Variants in MEIS2 observed in about 807,000 individuals in gnomAD.
MEIS2 encodes homeobox protein Meis2.
A neutral mutation model predicts 58.6 loss-of-function variants in MEIS2; 9 were observed. The ratio of observed to expected loss-of-function variants is 0.15; its 90% CI spans 0.09 to 0.27. The LOEUF is 0.27. MEIS2 is among the 10% of genes least tolerant of loss of function. MEIS2 has a pLI of 1.00. For synonymous variants in MEIS2, 221 were observed against 228.4 expected, an observed-to-expected ratio of 0.97 and a Z score of 0.29; for missense variants, 427 against 635.0, an observed-to-expected ratio of 0.67 and a Z score of 3.52.
At chr15:36,906,241 A>G in intron 9 of MEIS2, among the ~76,000 whole-genome samples, 1 of 152,206 alleles carries the variant, frequency 6.6e-6, no homozygotes, top group East Asian at 1.9e-4. Flanking sequence ...GAATGATAAA[A>G]TATGGTGTTT....
intron 1 of MEIS2, 76 bp downstream of exon 1, chr15:37,099,379 G>C: frequency 1.3e-6 from 2 of 1,593,654 alleles, no homozygotes; most frequent in Non-Finnish European, 1.7e-6. Flanking sequence ...AAGCGTTGAA[G>C]GGAGAGGAGG....
chr15:37,026,192 T>G (rs1314291159), intron 8 of MEIS2, among the ~76,000 whole-genome samples: 1 of 152,172 alleles, frequency 6.6e-6, no homozygotes, highest in Non-Finnish European at 1.5e-5. Context: ...AGAGTCCCAA[T>G]GTGTCACCAA....
chr15:37,047,890 G>A (rs2141789462), intron 7 of MEIS2, among the ~76,000 whole-genome samples: 1 of 152,330 alleles, frequency 6.6e-6, no homozygotes, highest in East Asian at 1.9e-4. Flanking sequence ...TTACTCTCAT[G>A]TAACTGTAAA....
At chr15:36,912,051 TA>T (rs926980034) in intron 9 of MEIS2, among the ~76,000 whole-genome samples, 51 of 130,682 alleles carry the variant, frequency 3.9e-4, no homozygotes, top group African/African-American at 1.2e-3. Context: ...ATATAAGCCC[TA>T]GGGGGGATAA....
chr15:36,892,403 T>C lies in MEIS2; in HGVS notation c.1204A>G (p.Met402Val). The change falls in exon 12 of 12, where the codon ATG becomes GTG. Residue 402 changes from methionine (M) to valine (V), a missense_variant. This residue lies in a region of MEIS2 where 154 missense variants were observed against 148.1 expected (regional missense o/e 1.04). Coordinates refer to ENST00000561208, the MANE Select transcript of MEIS2 (RefSeq NM_170675.5). ...GGAGGAGTGTAACTTGGCTGTGCCA[T>C]ACTCATTCCCATAGGACCACCCTGA... ...VSQGGPMGMS[M>V]AQPSYTPPQM... is the part of the protein sequence containing the mutation. The C allele has an allele frequency of 6.2e-7, 1 of 1,613,966 alleles. No homozygotes were observed. The highest frequency in any genetic ancestry group is 8.5e-7 in the Non-Finnish European group (1 of 1,179,952).
chr15:36,995,825 T>G (rs1039134480), intron 8 of MEIS2, among the ~76,000 whole-genome samples: 1 of 146,110 alleles, frequency 6.8e-6, no homozygotes, highest in African/African-American at 2.5e-5. Flanking sequence ...TGAGGAACTA[T>G]TGCGGTAAGT....
intron 8 of MEIS2, among the ~76,000 whole-genome samples, chr15:36,997,109 C>A (rs544360997): frequency 6.6e-6 from 1 of 152,148 alleles, no homozygotes; most frequent in Non-Finnish European, 1.5e-5. Context: ...GGTTCTATTT[C>A]GAGCTATGCC....
At chr15:37,014,592 T>A (rs1847528162) in intron 8 of MEIS2, among the ~76,000 whole-genome samples, 1 of 152,184 alleles carries the variant, frequency 6.6e-6, no homozygotes, top group African/African-American at 2.4e-5. Flanking sequence ...TCTGGAATTT[T>A]TTATTGTTTA....
intron 9 of MEIS2, among the ~76,000 whole-genome samples, chr15:36,921,724 A>G (rs2057516767): frequency 2.7e-5 from 1 of 37,656 alleles, no homozygotes; most frequent in Non-Finnish European, 1.3e-4. Flanking sequence ...GGCATTGTTG[A>G]AAAAAAAAAA....
At chr15:37,028,658 A>G (rs1380459966) in intron 8 of MEIS2, among the ~76,000 whole-genome samples, 1 of 152,222 alleles carries the variant, frequency 6.6e-6, no homozygotes, top group Non-Finnish European at 1.5e-5. Context: ...TAAAGGCAGA[A>G]GCTACAGTAT....
Position 36,928,709 on chromosome 15 carries a change from T to A in MEIS2, c.977+21615A>T, listed in dbSNP as rs2057847950. Among the ~76,000 whole-genome samples, 3 of 152,174 alleles carry A rather than the reference T, an allele frequency of 2.0e-5. No homozygotes were observed. In the South Asian group the frequency reaches 6.2e-4, roughly 31 times the overall value. Reference sequence around the variant, plus strand: ...TTGAGAAGAGTCTTCTGAGGAACAATTAGATAACATAGAAGAGTACTTAGA... The same window carrying A: ...TTGAGAAGAGTCTTCTGAGGAACAAATAGATAACATAGAAGAGTACTTAGA... On this transcript the variant is annotated intron_variant, in intron 9 of 11. Coordinates refer to ENST00000561208, the MANE Select transcript of MEIS2 (RefSeq NM_170675.5).
At chr15:37,088,121 G>A (rs1259533788) in intron 6 of MEIS2, among the ~76,000 whole-genome samples, 3 of 152,146 alleles carry the variant, frequency 2.0e-5, no homozygotes, top group Non-Finnish European at 4.4e-5. Context: ...AGCAAGTGAT[G>A]TACCTCATTT....
At chr15:36,924,958 C>T (rs1334594686) in intron 9 of MEIS2, among the ~76,000 whole-genome samples, 5 of 152,152 alleles carry the variant, frequency 3.3e-5, no homozygotes, top group Non-Finnish European at 7.3e-5. Context: ...GAGTCTGATG[C>T]CAGAACTGGT....
intron 9 of MEIS2, among the ~76,000 whole-genome samples, chr15:36,912,656 CA>C (rs2057087840): frequency 6.6e-6 from 1 of 152,056 alleles, no homozygotes; most frequent in Admixed American, 6.6e-5. Context: ...GAGGCGACAT[CA>C]AAGCATTTGG....
intron 11 of MEIS2, among the ~76,000 whole-genome samples, chr15:36,894,160 A>G (rs960534825): frequency 6.6e-6 from 1 of 152,136 alleles, no homozygotes; most frequent in Non-Finnish European, 1.5e-5. Context: ...GTCAGTAGGC[A>G]CATGTAAAAA....
intron 8 of MEIS2, among the ~76,000 whole-genome samples, chr15:36,964,093 G>A (rs2059279339): frequency 6.6e-6 from 1 of 152,178 alleles, no homozygotes; most frequent in Non-Finnish European, 1.5e-5. Context: ...TCGCTAAAGT[G>A]AGTCCTTTTG....
Position 36,968,570 on chromosome 15 carries a change from G to A in MEIS2, c.901-18170C>T, listed in dbSNP as rs2059430618. On this transcript the variant is annotated intron_variant, in intron 8 of 11. Transcript: ENST00000561208. ...TCAAGTGATACGTGTGCTATGTGAT[G>A]TGACACTTCCCCTTGACACTAAAAG... 2.0e-5 allele frequency among the ~76,000 whole-genome samples: 3 copies of A among 152,212 alleles called. No individual in the cohort carries two copies. The South Asian group carries it at 6.2e-4, about 32-fold the overall frequency.
intron 7 of MEIS2, chr15:37,050,793 G>T (rs2062885935): frequency 6.6e-6 from 1 of 152,188 alleles, no homozygotes; most frequent in Non-Finnish European, 1.5e-5. Context: ...CAGATCTTGT[G>T]TTGAATTTTC....
intron 6 of MEIS2, among the ~76,000 whole-genome samples, chr15:37,084,107 T>C (rs552757709): frequency 6.6e-6 from 1 of 152,196 alleles, no homozygotes; most frequent in East Asian, 1.9e-4. Context: ...TACACCAGTG[T>C]ATATGTTGGT....
Sources: gnomAD v4.1 joint callset for allele counts (sites outside exome capture counted in the v4.1 genomes callset) on GRCh38, gnomAD v4.1.1 for gene constraint, gnomAD v4.1.1 regional missense constraint, MANE v1.5 for transcripts, NCBI Gene and HGNC (gene_info 2026-07-23, HGNC 2026-07-21) for gene names.